ROBO1: variants seen among roughly 807,000 people sequenced by gnomAD.
The protein encoded by ROBO1 is roundabout homolog 1.
A neutral mutation model predicts 195.9 loss-of-function variants in ROBO1; 149 were observed. The ratio of observed to expected loss-of-function variants is 0.76; its 90% confidence interval spans 0.67 to 0.87. The LOEUF is 0.87. ROBO1 is among the 40% of genes least tolerant of loss of function. The probability of loss-of-function intolerance (pLI) is 0.00; values close to 1 mark genes in which losing one functional copy is unlikely to be tolerated. For missense variants in ROBO1, 1,933 were observed against 2,068.3 expected, an observed-to-expected ratio of 0.93 and a Z score of 1.27; for synonymous variants, 816 against 733.2, an observed-to-expected ratio of 1.11 and a Z score of -1.82.
chr3:79,553,814 G>A (rs1206897715), intron 2 of ROBO1, among the ~76,000 whole-genome samples: 1 of 152,060 alleles, frequency 6.6e-6, no homozygotes, highest in African/African-American at 2.4e-5. Flanking sequence ...CAAGAGATCT[G>A]TCTGGATCCA....
chr3:79,621,253 C>T (rs1448096388), intron 1 of ROBO1, among the ~76,000 whole-genome samples: 4 of 152,144 alleles, frequency 2.6e-5, no homozygotes, highest in African/African-American at 9.7e-5. Flanking sequence ...CCTGCCCCTG[C>T]CCACAACAGA....
intron 4 of ROBO1, among the ~76,000 whole-genome samples, chr3:78,885,031 T>A (rs1391589044): frequency 1.3e-5 from 2 of 151,960 alleles, no homozygotes; most frequent in African/African-American, 4.8e-5. Flanking sequence ...TTCACAAAGA[T>A]CAAATAATAT....
chr3:78,765,360 A>G (rs1390087614), intron 4 of ROBO1, among the ~76,000 whole-genome samples: 2 of 152,002 alleles, frequency 1.3e-5, no homozygotes, highest in African/African-American at 2.4e-5. Context: ...ATTATTTTAA[A>G]TATTTTTTAA....
At chr3:79,754,026 C>T (rs1576321574) in intron 1 of ROBO1, among the ~76,000 whole-genome samples, 1 of 151,902 alleles carries the variant, frequency 6.6e-6, no homozygotes, top group South Asian at 2.1e-4. Context: ...TTTAAGGGTG[C>T]GGGTGGTCTA....
At chr3:79,340,295 C>G (rs1438670727) in intron 2 of ROBO1, among the ~76,000 whole-genome samples, 3 of 152,164 alleles carry the variant, frequency 2.0e-5, no homozygotes, top group Non-Finnish European at 2.9e-5. Context: ...TGCAATCTTC[C>G]CCTGCTATGT....
intron 5 of ROBO1, among the ~76,000 whole-genome samples, chr3:78,743,292 T>TAC (rs990906400): frequency 9.0e-4 from 137 of 152,220 alleles, no homozygotes; most frequent in African/African-American, 3.3e-3. Flanking sequence ...TATGACTGCT[T>TAC]ACCAAGTTGT....
intron 1 of ROBO1, among the ~76,000 whole-genome samples, chr3:79,732,659 G>A (rs1325655974): frequency 6.6e-6 from 1 of 151,958 alleles, no homozygotes; most frequent in Non-Finnish European, 1.5e-5. Context: ...AAATTCACCG[G>A]GCACTTTTGG....
At position 79,611,412 on chromosome 3, in the gene ROBO1, T is replaced by C. The variant is rs188126244; in HGVS notation, c.-50-21451A>G. Among the ~76,000 whole-genome samples the C allele has an allele frequency of 9.6e-4, 146 of 152,192 alleles. 1 individual carries two copies. Among genetic ancestry groups the C allele is most frequent in the African/African-American group, 3.4e-3 (142 of 41,562 alleles). The stretch of plus-strand genomic sequence containing the variant: ...ACTAAATGAAATCGATGGGATATTA[T>C]TTTTCTTTAATGAAAATGGTATTTG... On this transcript the variant is annotated intron_variant, in intron 1 of 30. Coordinates refer to ENST00000464233, the MANE Select transcript of ROBO1 (RefSeq NM_002941.4).
At chr3:78,778,652 G>A (rs2083577526) in intron 4 of ROBO1, among the ~76,000 whole-genome samples, 1 of 152,144 alleles carries the variant, frequency 6.6e-6, no homozygotes, top group Admixed American at 6.5e-5. Flanking sequence ...CCATGCTCAT[G>A]GATGGGAAGA....
At chr3:78,778,952 C>T (rs778143530) in intron 4 of ROBO1, among the ~76,000 whole-genome samples, 20 of 152,162 alleles carry the variant, frequency 1.3e-4, no homozygotes, top group South Asian at 4.1e-4. Flanking sequence ...AATAACGCCA[C>T]GCATCTACGA....
Position 78,631,255 on chromosome 3 carries a change from C to A in ROBO1, c.3532G>T (p.Gly1178Cys). The A allele has an allele frequency of 6.2e-7, 1 of 1,613,464 alleles. No individual in the cohort carries two copies. Among genetic ancestry groups the A allele is most frequent in the Non-Finnish European group, 8.5e-7 (1 of 1,179,678 alleles). ...AGCAGGTCTGCCCAGTTCATGCCAC[C>A]CTGTTTTGGTACCTTGGGTGTTCTT... ...GARTPKVPKQ[G>C]GMNWADLLPP... The change falls in exon 25 of 31, where the codon GGT (glycine) becomes TGT (cysteine). Residue 1178 changes from glycine to cysteine, a missense_variant. This residue lies in a region of ROBO1 where 1,737 missense variants were observed against 1,882.5 expected (regional missense o/e 0.92). Transcript: ENST00000464233.
chr3:79,188,755 TTACTG>T (rs2081487279), intron 2 of ROBO1, among the ~76,000 whole-genome samples: 1 of 151,786 alleles, frequency 6.6e-6, no homozygotes. Flanking sequence ...GCCTTGTTCT[TTACTG>T]TATTCCTCAA....
intron 1 of ROBO1, among the ~76,000 whole-genome samples, chr3:79,725,670 C>T (rs74486025): frequency 0.015 from 2,222 of 152,142 alleles, 53 homozygotes; most frequent in African/African-American, 0.049. Context: ...CCCAAATCAC[C>T]TCTTCTCCAG....
intron 2 of ROBO1, among the ~76,000 whole-genome samples, chr3:79,162,589 T>C (rs1179574064): frequency 2.0e-5 from 3 of 152,142 alleles, no homozygotes; most frequent in Admixed American, 2.0e-4. Flanking sequence ...AGTAACTTGT[T>C]AAGGGTTTTA....
chr3:78,917,491 CTG>C lies in ROBO1; in HGVS notation c.499+21108_499+21109del, dbSNP rs1350526930. Among the ~76,000 whole-genome samples, 3 of 152,134 alleles carry C rather than the reference CTG, an allele frequency of 2.0e-5. No individual in the cohort carries two copies. In the East Asian group the frequency reaches 5.8e-4, roughly 29 times the overall value. ...ATTATACAAATTTAGGCTATTTTGA[CTG>C]TGAGGCCATCTTAAATATAAATGTA... On this transcript the variant is annotated intron_variant, in intron 4 of 30. Transcript: ENST00000464233.
At chr3:78,782,170 A>G (rs1232209453) in intron 4 of ROBO1, among the ~76,000 whole-genome samples, 1 of 151,962 alleles carries the variant, frequency 6.6e-6, no homozygotes, top group African/African-American at 2.4e-5. Context: ...TGTTTAAATA[A>G]CCTATTAAAA....
intron 3 of ROBO1, among the ~76,000 whole-genome samples, chr3:79,090,756 T>C (rs527251303): frequency 3.9e-5 from 6 of 152,272 alleles, no homozygotes; most frequent in South Asian, 2.1e-4. Context: ...TAAAGCACAG[T>C]GACTGGCACA....
intron 2 of ROBO1, among the ~76,000 whole-genome samples, chr3:79,317,210 A>C (rs2033774404): frequency 6.6e-6 from 1 of 152,154 alleles, no homozygotes; most frequent in Admixed American, 6.6e-5. Context: ...TAAGAATGCC[A>C]CCAATCTCCA....
chr3:79,739,675 A>G (rs1703540768), intron 1 of ROBO1, among the ~76,000 whole-genome samples: 1 of 152,180 alleles, frequency 6.6e-6, no homozygotes, highest in South Asian at 2.1e-4. Context: ...AAGCTAGGGA[A>G]AAGATTACTG....
Sources: allele counts gnomAD v4.1 joint callset (sites outside exome capture counted in the v4.1 genomes callset), GRCh38; gene constraint gnomAD v4.1.1; regional missense constraint gnomAD v4.1.1; transcripts MANE v1.5; gene names NCBI Gene and HGNC (gene_info 2026-07-23, HGNC 2026-07-21).